Variants in C2 observed in about 807,000 individuals in gnomAD.
C2 encodes the protein C3/C5 convertase.
In C2, 64 loss-of-function variants were observed where a neutral mutation model predicts 85.2. The ratio of observed to expected loss-of-function variants is 0.75; its 90% CI spans 0.61 to 0.92. The LOEUF (loss-of-function observed/expected upper bound fraction) is 0.92. Among genes scored for constraint, C2 ranks in the 40% least tolerant of loss-of-function variants. C2 has a pLI of 0.00. For missense variants in C2, 820 were observed against 971.6 expected (o/e 0.84, Z 2.07); for synonymous variants, 311 against 370.8 (o/e 0.84, Z 1.85).
intron 1 of C2, chr6:31,901,440 C>T: frequency 9.9e-7 from 1 of 1,010,138 alleles, no homozygotes; most frequent in Non-Finnish European, 1.4e-6. Flanking sequence ...TCCCGGTCTT[C>T]AGATTTCTTC....
At chr6:31,917,633 C>T (rs1422660292), upstream of C2, among the ~76,000 whole-genome samples, 5 of 151,954 alleles carry the variant, frequency 3.3e-5, no homozygotes, top group African/African-American at 1.2e-4. Context: ...AGGCCAGGCG[C>T]GGTGGCTCAT....
chr6:31,945,626 A>G lies in C2; in HGVS notation c.*269A>G. ...TGACTCATGCTTGTTTCACTTTCAC[A>G]TGGAATTTCCCAGTTATGAAATTAA... On this transcript the variant is annotated 3_prime_UTR_variant, in exon 18 of 18. Coordinates refer to ENST00000299367, the MANE Select transcript of C2 (RefSeq NM_000063.6). This position sits in a 1 kb window ranked among gnomAD's most constrained non-coding sequence, Gnocchi z 5.3. The G allele has an allele frequency of 8.7e-6, 5 of 576,698 alleles. No homozygotes were observed. Among genetic ancestry groups the G allele is most frequent in the Non-Finnish European group, 1.5e-5 (5 of 323,816 alleles). The allele number at this position is 576,698 out of a possible 1,614,324, so 35.7% of individuals were successfully genotyped here. A position where few individuals can be genotyped will look rare whatever the true frequency, so the allele number is the denominator to read the frequency against.
At position 31,943,539 on chromosome 6, in the gene C2, GA is replaced by G. The variant is rs757803742; in HGVS notation, c.1567+13del. The G allele has an allele frequency of 3.1e-6, 5 of 1,611,052 alleles. No individual in the cohort carries two copies. The highest frequency in any genetic ancestry group is 1.3e-5 in the African/African-American group (1 of 74,856). Reference sequence around the variant, plus strand: ...GAGGGTCAATGTGGGTAAGGCAGGGGATGCACCAGCCTCCTGATCCTGAAGC... The same window carrying G: ...GAGGGTCAATGTGGGTAAGGCAGGGGTGCACCAGCCTCCTGATCCTGAAGC... On this transcript the variant is annotated intron_variant, in intron 12 of 17. Coordinates refer to ENST00000299367, the MANE Select transcript of C2 (RefSeq NM_000063.6). The surrounding 1 kb of genome is among the most constrained non-coding windows in gnomAD (Gnocchi z 6.4).
chr6:31,934,513 G>A (rs1296897826), intron 6 of C2: 76 of 1,274,950 alleles, frequency 6.0e-5, no homozygotes, highest in Non-Finnish European at 7.9e-5. Flanking sequence ...GGGGCTGGGC[G>A]ACAGCAAAGA....
intron 1 of C2, among the ~76,000 whole-genome samples, chr6:31,914,788 C>T (rs1768383654): frequency 6.6e-6 from 1 of 151,728 alleles, no homozygotes; most frequent in Non-Finnish European, 1.5e-5. Flanking sequence ...TGGCAGGCGC[C>T]TGTAGTCCCA....
Position 31,920,261 on chromosome 6 carries a change from G to A in C2, c.-100+235G>A, listed in dbSNP as rs1768870671. On this transcript the variant is annotated intron_variant, in intron 1 of 3. Coordinates refer to the C2 transcript ENST00000413154. The surrounding 1 kb of genome is among the most constrained non-coding windows in gnomAD (Gnocchi z 5.6). ...TTCACCCCTTGGCAGCACTGGAGGAGTGAGGGCAGGAGGATTCTCCCATGT... is the reference window on the plus strand; with the variant it reads ...TTCACCCCTTGGCAGCACTGGAGGAATGAGGGCAGGAGGATTCTCCCATGT... 6.6e-6 allele frequency: 1 copy of A among 152,348 alleles called. No individual in the cohort carries two copies. Among genetic ancestry groups the A allele is most frequent in the African/African-American group, 2.4e-5 (1 of 41,452 alleles). The allele number at this position is 152,348 out of a possible 1,614,324, so 9.4% of individuals were successfully genotyped here.
At chr6:31,907,289 C>G (rs1443769252) in intron 1 of C2, among the ~76,000 whole-genome samples, 1 of 151,458 alleles carries the variant, frequency 6.6e-6, no homozygotes, top group Non-Finnish European at 1.5e-5. Context: ...AAGTTTTGTT[C>G]AAAATTTAAA....
Position 31,922,041 on chromosome 6 carries a change from C to A in C2, c.-100+2015C>A, listed in dbSNP as rs1769011866. ...GGGTGAGGGAGCCCAGTATTTATACCAATCAGTCATTGGTTGAAGGCCTTA... is the reference window on the plus strand; with the variant it reads ...GGGTGAGGGAGCCCAGTATTTATACAAATCAGTCATTGGTTGAAGGCCTTA... On this transcript the variant is annotated intron_variant, in intron 1 of 3. Transcript: ENST00000413154. This position sits in a 1 kb window ranked among gnomAD's most constrained non-coding sequence, Gnocchi z 4.8. Among the ~76,000 whole-genome samples the A allele has an allele frequency of 6.6e-6, 1 of 152,010 alleles. No homozygotes were observed. The highest frequency in any genetic ancestry group is 1.9e-4 in the East Asian group (1 of 5,192).
upstream of C2, chr6:31,919,838 C>G (rs1353215867): frequency 1.3e-5 from 2 of 152,240 alleles, no homozygotes; most frequent in Non-Finnish European, 2.9e-5. Context: ...TGTCTGTCCC[C>G]TATTAATGGA....
In C2 at chr6:31,944,132, T is replaced by C. The variant is rs755869741; in HGVS notation, c.1811-3T>C. 81 of 1,608,072 alleles carry C rather than the reference T, an allele frequency of 5.0e-5. No individual in the cohort carries two copies. The African/African-American group carries it at 8.6e-4, about 17-fold the overall frequency. On this transcript the variant is annotated splice_region_variant and splice_polypyrimidine_tract_variant and intron_variant, in intron 14 of 17. Coordinates refer to ENST00000299367, the MANE Select transcript of C2 (RefSeq NM_000063.6). The surrounding 1 kb of genome is among the most constrained non-coding windows in gnomAD (Gnocchi z 5.1). Reference sequence around the variant, plus strand: ...CACCAACATCCCCTTCTCTTGACTATAGAGAATGAACTGCTGAACAAACAG... The same window carrying C: ...CACCAACATCCCCTTCTCTTGACTACAGAGAATGAACTGCTGAACAAACAG...
intron 1 of C2, among the ~76,000 whole-genome samples, chr6:31,911,455 A>G (rs970540593): frequency 6.6e-6 from 1 of 152,222 alleles, no homozygotes; most frequent in Non-Finnish European, 1.5e-5. Context: ...AGTTTTAGAT[A>G]GCAGCATAAA....
At chr6:31,901,036 C>T (rs748362018) in exon 1 of C2, 2 of 1,614,078 alleles carry the variant, frequency 1.2e-6, no homozygotes, top group Admixed American at 1.7e-5. Flanking sequence ...CCAAGGCGCC[C>T]GTGTAGCAGG....
At position 31,922,421 on chromosome 6, in the gene C2, T is replaced by G. The variant is rs574394257; in HGVS notation, c.-100+2395T>G. Among the ~76,000 whole-genome samples the G allele has an allele frequency of 9.1e-4, 139 of 152,216 alleles. 4 individuals carry two copies. In the East Asian group the frequency reaches 0.026, roughly 29 times the overall value. ...ACTGGATAAGGAGTAGACTGGCCAC[T>G]AGAGTGGGGTCGGCCTCTGCTATAT... On this transcript the variant is annotated intron_variant, in intron 1 of 3. Coordinates refer to the C2 transcript ENST00000413154. The surrounding 1 kb of genome is among the most constrained non-coding windows in gnomAD (Gnocchi z 4.8).
chr6:31,945,525 C>T lies in C2; in HGVS notation c.*168C>T. 2.9e-6 allele frequency: 2 copies of T among 693,580 alleles called. No individual in the cohort carries two copies. The highest frequency in any genetic ancestry group is 5.4e-5 in the East Asian group (2 of 36,996). 43.0% of individuals were successfully genotyped at this position (693,580 alleles called of 1,614,324 possible). ...CACACAAGCTGGGAAATCCTCAGGG[C>T]TCCTACCAGCAGGACTGCCTCGCTG... On this transcript the variant is annotated 3_prime_UTR_variant, in exon 18 of 18. Coordinates refer to ENST00000299367, the MANE Select transcript of C2 (RefSeq NM_000063.6). The surrounding 1 kb of genome is among the most constrained non-coding windows in gnomAD (Gnocchi z 5.3).
chr6:31,899,254 C>T (rs1429107296), upstream of C2, among the ~76,000 whole-genome samples: 4 of 147,860 alleles, frequency 2.7e-5, no homozygotes, highest in African/African-American at 1.0e-4. Context: ...GCCCTATCCC[C>T]CCCACCCCCA....
At chr6:31,898,282 C>T (rs116041643), upstream of C2, among the ~76,000 whole-genome samples, 334 of 152,300 alleles carry the variant, frequency 2.2e-3, 2 homozygotes, top group African/African-American at 7.4e-3. Flanking sequence ...CCAGGTAAGC[C>T]CAGCGGCCCG....
chr6:31,934,199 C>G lies in C2; in HGVS notation c.749C>G (p.Ser250Cys), dbSNP rs150827255. Residue 250 changes from serine to cysteine, a missense_variant, in exon 6 of 18, where the codon TCT (serine) becomes TGT (cysteine). Ser to Cys is a moderately radical substitution (Grantham distance 112). Transcript: ENST00000299367. ...GGCCGTAAAATCCAAATCCAGCGCT[C>G]TGGTCATCTGAACCTCTACCTGCTC... is the stretch of plus-strand genomic sequence containing the variant. ...SLGRKIQIQRSGHLNLYLLLD... is the reference protein window; with the variant it reads ...SLGRKIQIQRCGHLNLYLLLD... 3.2e-4 allele frequency: 514 copies of G among 1,614,234 alleles called. 1 individual carries two copies. The highest frequency in any genetic ancestry group is 4.8e-4 in the Admixed American group (29 of 60,022).
At chr6:31,900,851 G>C, upstream of C2, 1 of 1,612,636 alleles carries the variant, frequency 6.2e-7, no homozygotes, top group Non-Finnish European at 8.5e-7. This position sits in a 1 kb window ranked among gnomAD's most constrained non-coding sequence, Gnocchi z 9.7. Context: ...AGGGAGGAGG[G>C]ACTTGGTGGC....
Position 31,943,578 on chromosome 6 carries a change from C to T in C2, c.1567+51C>T. On this transcript the variant is annotated intron_variant, in intron 12 of 17. Coordinates refer to ENST00000299367, the MANE Select transcript of C2 (RefSeq NM_000063.6). The surrounding 1 kb of genome is among the most constrained non-coding windows in gnomAD (Gnocchi z 6.4). ...CTGATCCTGAAGCCACAGATCCTAC[C>T]ACCTCACCCAGCCTCTGGCCCCTGC... 1 of 1,607,536 alleles carries T rather than the reference C, an allele frequency of 6.2e-7. No individual in the cohort carries two copies. The highest frequency in any genetic ancestry group is 1.3e-5 in the African/African-American group (1 of 74,940).
Sources: gnomAD v4.1 joint callset for allele counts (sites outside exome capture counted in the v4.1 genomes callset) on GRCh38, gnomAD v4.1.1 for gene constraint, Gnocchi (gnomAD v3.1) non-coding constraint, MANE v1.5 for transcripts, NCBI Gene and HGNC (gene_info 2026-07-23, HGNC 2026-07-21) for gene names.